Variants in TMEM108 observed in about 807,000 individuals in gnomAD.
The protein encoded by TMEM108 is cancer/testis antigen 124.
Under a neutral mutation model 35.1 loss-of-function variants are expected in TMEM108, and 12 were observed. The ratio of observed to expected loss-of-function variants is 0.34; its 90% CI spans 0.22 to 0.55. The LOEUF is 0.55. Ranked by LOEUF, TMEM108 falls within the 20% of genes least tolerant of loss-of-function variation. TMEM108 has a pLI of 0.89. For missense variants in TMEM108, 680 were observed against 753.3 expected (o/e 0.90, Z 1.14); for synonymous variants, 287 against 308.6 (o/e 0.93, Z 0.73).
At chr3:133,320,767 C>T (rs983655683) in intron 3 of TMEM108, among the ~76,000 whole-genome samples, 1 of 152,120 alleles carries the variant, frequency 6.6e-6, no homozygotes, top group South Asian at 2.1e-4. Flanking sequence ...AGCTGTGAGG[C>T]AAAGTCATCA....
intron 1 of TMEM108, among the ~76,000 whole-genome samples, chr3:133,043,467 A>T (rs1943299069): frequency 6.6e-6 from 1 of 152,196 alleles, no homozygotes; most frequent in Admixed American, 6.5e-5. Flanking sequence ...TGCTAATAGC[A>T]TTTTACCCAT....
At chr3:133,262,084 T>TTA (rs1946633083) in intron 3 of TMEM108, among the ~76,000 whole-genome samples, 1 of 152,202 alleles carries the variant, frequency 6.6e-6, no homozygotes, top group African/African-American at 2.4e-5. Context: ...ACCATTCAGG[T>TTA]TATAGCTCAG....
chr3:133,078,147 G>A (rs1943764649), intron 2 of TMEM108, among the ~76,000 whole-genome samples: 1 of 101,652 alleles, frequency 9.8e-6, no homozygotes, highest in Non-Finnish European at 2.0e-5. Flanking sequence ...CTCAGTGTGT[G>A]TGTGTGTGTG....
intron 2 of TMEM108, among the ~76,000 whole-genome samples, chr3:133,055,109 C>G (rs1165902385): frequency 2.6e-5 from 4 of 152,060 alleles, no homozygotes; most frequent in African/African-American, 7.2e-5. Context: ...TGTGAAGATC[C>G]CCATCCCCTG....
chr3:133,174,878 G>A (rs1229603521), intron 2 of TMEM108, among the ~76,000 whole-genome samples: 2 of 152,242 alleles, frequency 1.3e-5, no homozygotes, highest in African/African-American at 2.4e-5. Context: ...AAACTACTCC[G>A]AGCTAAAGGA....
chr3:133,367,150 A>T (rs1211544016), intron 3 of TMEM108, among the ~76,000 whole-genome samples: 1 of 152,206 alleles, frequency 6.6e-6, no homozygotes, highest in Non-Finnish European at 1.5e-5. Context: ...TAAGGAATGA[A>T]TCTCCAGATC....
intron 3 of TMEM108, among the ~76,000 whole-genome samples, chr3:133,245,110 A>C (rs1946366723): frequency 6.6e-6 from 1 of 152,198 alleles, no homozygotes; most frequent in Non-Finnish European, 1.5e-5. Flanking sequence ...AAGAGTCACA[A>C]AAGTCTATGC....
intron 4 of TMEM108, among the ~76,000 whole-genome samples, chr3:133,385,319 G>A (rs1184881916): frequency 6.6e-6 from 1 of 152,092 alleles, no homozygotes; most frequent in Non-Finnish European, 1.5e-5. Context: ...AGCTGTTCCA[G>A]TGTTAGACCC....
chr3:133,235,049 T>A (rs28799288), intron 3 of TMEM108, among the ~76,000 whole-genome samples: 4 of 149,340 alleles, frequency 2.7e-5, no homozygotes, highest in Non-Finnish European at 6.0e-5. Flanking sequence ...TTACAAGGGA[T>A]GTGAAGGACC....
chr3:133,174,198 G>C (rs1468562910), intron 2 of TMEM108, among the ~76,000 whole-genome samples: 2 of 152,244 alleles, frequency 1.3e-5, no homozygotes, highest in Non-Finnish European at 2.9e-5. Flanking sequence ...ACTGGGTGGA[G>C]CCCACCTCAG....
Position 133,397,518 on chromosome 3 carries a change from A to C in TMEM108, c.*1532A>C, listed in dbSNP as rs1432353397. Reference sequence around the variant, plus strand: ...CAAAGAAGCAACTAAATGTTTCTCTAAGTTTAATTTTCTAGCGTGTTGTTG... The same window carrying C: ...CAAAGAAGCAACTAAATGTTTCTCTCAGTTTAATTTTCTAGCGTGTTGTTG... On this transcript the variant is annotated 3_prime_UTR_variant, in exon 6 of 6. Coordinates refer to ENST00000321871, the MANE Select transcript of TMEM108 (RefSeq NM_023943.4). The C allele has an allele frequency of 6.6e-6, 1 of 152,150 alleles. No individual in the cohort carries two copies. Among genetic ancestry groups the C allele is most frequent in the Non-Finnish European group, 1.5e-5 (1 of 68,028 alleles). 9.4% of individuals were successfully genotyped at this position (152,150 alleles called of 1,614,324 possible).
At chr3:133,305,116 T>A (rs765415445) in intron 3 of TMEM108, among the ~76,000 whole-genome samples, 90 of 151,876 alleles carry the variant, frequency 5.9e-4, no homozygotes, top group Middle Eastern at 3.4e-3. Flanking sequence ...GAAAGAAAGA[T>A]GCCTATGAGC....
chr3:133,296,383 A>C (rs1947145656), intron 3 of TMEM108, among the ~76,000 whole-genome samples: 1 of 152,228 alleles, frequency 6.6e-6, no homozygotes, highest in African/African-American at 2.4e-5. Context: ...CACACACCAG[A>C]GTCAAGGGGC....
chr3:133,103,219 T>C (rs1298284048), intron 2 of TMEM108, among the ~76,000 whole-genome samples: 1 of 152,200 alleles, frequency 6.6e-6, no homozygotes, highest in African/African-American at 2.4e-5. Flanking sequence ...ATAAAGAAAT[T>C]GTGTACATAT....
At chr3:133,302,490 G>C (rs1181844405) in intron 3 of TMEM108, among the ~76,000 whole-genome samples, 1 of 130,760 alleles carries the variant, frequency 7.6e-6, no homozygotes, top group Non-Finnish European at 1.5e-5. Context: ...GTGTGATCTC[G>C]GCTCACTTGC....
At chr3:133,261,385 G>T (rs550706659) in intron 3 of TMEM108, among the ~76,000 whole-genome samples, 4 of 152,092 alleles carry the variant, frequency 2.6e-5, no homozygotes, top group Admixed American at 6.6e-5. Context: ...ATTGGTTTTG[G>T]TTTTTCTACA....
intron 5 of TMEM108, among the ~76,000 whole-genome samples, chr3:133,392,240 G>A (rs1412910629): frequency 6.6e-6 from 1 of 150,690 alleles, no homozygotes; most frequent in African/African-American, 2.4e-5. Context: ...TCAGCTCACT[G>A]CAGCCTCTGC....
rs566318415 is a variant in TMEM108 at position 133,122,132 on chromosome 3, T to C, written c.-47+76112T>C. On this transcript the variant is annotated intron_variant, in intron 2 of 5. Coordinates refer to ENST00000321871, the MANE Select transcript of TMEM108 (RefSeq NM_023943.4). ...CGGTGCTTCTGGGGCTTATGATTTC[T>C]AATTTAGCAGCAGGAGTTACTTCTC... 1.2e-3 allele frequency among the ~76,000 whole-genome samples: 185 copies of C among 152,250 alleles called. 2 individuals are homozygous for C. The highest frequency in any genetic ancestry group is 4.4e-3 in the African/African-American group (181 of 41,544).
chr3:133,273,733 A>G (rs1243062888), intron 3 of TMEM108, among the ~76,000 whole-genome samples: 1 of 152,212 alleles, frequency 6.6e-6, no homozygotes, highest in Admixed American at 6.5e-5. Context: ...AAGATGCTCT[A>G]TTTCATCCAT....
Sources: gnomAD v4.1 joint callset for allele counts (sites outside exome capture counted in the v4.1 genomes callset) on GRCh38, gnomAD v4.1.1 for gene constraint, MANE v1.5 for transcripts, NCBI Gene and HGNC (gene_info 2026-07-23, HGNC 2026-07-21) for gene names.